Variants in SDCCAG8 observed in about 807,000 individuals in gnomAD.
SDCCAG8 encodes the protein serologically defined colon cancer antigen 8.
In SDCCAG8, 74 loss-of-function variants were observed where a neutral mutation model predicts 101.8. That is an observed-to-expected ratio of 0.73 (90% confidence interval 0.60 to 0.88). SDCCAG8 has a LOEUF of 0.88. Among genes scored for constraint, SDCCAG8 ranks in the 40% least tolerant of loss-of-function variants. The pLI is 0.00. For missense variants in SDCCAG8, 787 were observed against 822.6 expected (o/e 0.96, Z 0.53); for synonymous variants, 281 against 292.9 (o/e 0.96, Z 0.41).
intron 6 of SDCCAG8, among the ~76,000 whole-genome samples, chr1:243,300,273 T>C (rs964025384): frequency 6.6e-6 from 1 of 152,238 alleles, no homozygotes; most frequent in Non-Finnish European, 1.5e-5. Flanking sequence ...GGATTATTTT[T>C]AGTGTATTTT....
chr1:243,460,877 C>T (rs570717649), intron 16 of SDCCAG8, among the ~76,000 whole-genome samples: 19 of 152,294 alleles, frequency 1.2e-4, no homozygotes, highest in Non-Finnish European at 2.2e-4. Context: ...TCCCAGCACA[C>T]CTGAAGAAAA....
intron 13 of SDCCAG8, among the ~76,000 whole-genome samples, chr1:243,382,045 G>T (rs1435405523): frequency 6.6e-6 from 1 of 152,172 alleles, no homozygotes; most frequent in Non-Finnish European, 1.5e-5. Flanking sequence ...ACCCCAGGTA[G>T]AGAGACCAAT....
chr1:243,306,863 G>A lies in SDCCAG8; in HGVS notation c.741-1126G>A, dbSNP rs199549038. Among the ~76,000 whole-genome samples, 7 of 151,508 alleles carry A rather than the reference G, an allele frequency of 4.6e-5. No homozygotes were observed. In the East Asian group the frequency reaches 1.2e-3, roughly 25 times the overall value. ...TGTGGGTCTTTTATGCCTCTCCTGC[G>A]TTGCTTGAAAGCCCCCAAAATCTCA... On this transcript the variant is annotated intron_variant, in intron 7 of 17. Transcript: ENST00000366541.
rs2081651898 is a variant in SDCCAG8, at chr1:243,430,438, A to C, written c.1985+3880A>C. Among the ~76,000 whole-genome samples, 3 of 151,822 alleles carry C rather than the reference A, an allele frequency of 2.0e-5. No homozygotes were observed. The South Asian group carries it at 6.2e-4, about 32-fold the overall frequency. On this transcript the variant is annotated intron_variant, in intron 16 of 17. Coordinates refer to ENST00000366541, the MANE Select transcript of SDCCAG8 (RefSeq NM_006642.5). ...GCAGGGTCTTTATGTTTTTGTTTTTATTTTATTTTATTTATTTATTTTTTG... is the reference window on the plus strand; with the variant it reads ...GCAGGGTCTTTATGTTTTTGTTTTTCTTTTATTTTATTTATTTATTTTTTG...
chr1:243,447,342 A>G (rs935203432), intron 16 of SDCCAG8, among the ~76,000 whole-genome samples: 12 of 152,064 alleles, frequency 7.9e-5, no homozygotes, highest in Non-Finnish European at 1.6e-4. Flanking sequence ...GGAATGAACA[A>G]ATCAATAGGT....
At chr1:243,300,150 A>G (rs1423990983) in intron 6 of SDCCAG8, among the ~76,000 whole-genome samples, 1 of 152,134 alleles carries the variant, frequency 6.6e-6, no homozygotes, top group East Asian at 1.9e-4. Flanking sequence ...GGCGTGAGCC[A>G]CTGTGCCTGG....
chr1:243,430,212 G>A (rs2081631499), intron 16 of SDCCAG8, among the ~76,000 whole-genome samples: 1 of 152,084 alleles, frequency 6.6e-6, no homozygotes, highest in South Asian at 2.1e-4. Flanking sequence ...ATTAGATCAG[G>A]AATTGGCAAA....
intron 10 of SDCCAG8, among the ~76,000 whole-genome samples, chr1:243,340,216 G>A (rs1353235667): frequency 2.0e-5 from 3 of 152,180 alleles, no homozygotes; most frequent in Admixed American, 6.5e-5. Context: ...GAGTACTGTG[G>A]TTGAGGTACA....
intron 16 of SDCCAG8, among the ~76,000 whole-genome samples, chr1:243,466,280 A>G (rs148557559): frequency 6.6e-6 from 1 of 152,318 alleles, no homozygotes; most frequent in Non-Finnish European, 1.5e-5. Context: ...TAGGAGAAGT[A>G]TTGTTAAAAT....
chr1:243,386,789 G>GAGAGAA (rs572922297), intron 13 of SDCCAG8, among the ~76,000 whole-genome samples: 1 of 151,696 alleles, frequency 6.6e-6, no homozygotes, highest in Non-Finnish European at 1.5e-5. Context: ...GAGAGAGAGA[G>GAGAGAA]AAAGAAAGAA....
chr1:243,466,603 G>C (rs1309369857), intron 16 of SDCCAG8, among the ~76,000 whole-genome samples: 2 of 152,242 alleles, frequency 1.3e-5, no homozygotes, highest in African/African-American at 4.8e-5. Context: ...ACACAGAAAT[G>C]TTAAGAACAG....
chr1:243,360,612 A>C (rs1241778356), intron 12 of SDCCAG8, among the ~76,000 whole-genome samples: 1 of 152,064 alleles, frequency 6.6e-6, no homozygotes, highest in Non-Finnish European at 1.5e-5. Context: ...TCAGGAGGTC[A>C]GGAGTTCAAG....
intron 6 of SDCCAG8, among the ~76,000 whole-genome samples, chr1:243,304,163 T>A (rs1317816181): frequency 1.3e-5 from 2 of 152,176 alleles, no homozygotes; most frequent in Non-Finnish European, 2.9e-5. Context: ...GTAATTGAAA[T>A]TCTTCATTTT....
At chr1:243,491,195 T>C (rs919253450) in intron 17 of SDCCAG8, among the ~76,000 whole-genome samples, 11 of 152,240 alleles carry the variant, frequency 7.2e-5, no homozygotes, top group Admixed American at 4.6e-4. Context: ...GGATCACCGA[T>C]GCTTAGAAGC....
intron 13 of SDCCAG8, among the ~76,000 whole-genome samples, chr1:243,402,482 G>A (rs569906782): frequency 6.6e-6 from 1 of 150,652 alleles, no homozygotes; most frequent in South Asian, 2.1e-4. Context: ...CCAATGTATA[G>A]AAAATAGTAT....
chr1:243,467,499 A>C (rs190332360), intron 16 of SDCCAG8, among the ~76,000 whole-genome samples: 1 of 152,226 alleles, frequency 6.6e-6, no homozygotes, highest in Non-Finnish European at 1.5e-5. Flanking sequence ...CAGTGGCTTT[A>C]TTCGGAGAGA....
intron 12 of SDCCAG8, among the ~76,000 whole-genome samples, chr1:243,356,378 A>G (rs960039374): frequency 2.4e-5 from 3 of 126,166 alleles, no homozygotes; most frequent in African/African-American, 8.7e-5. Context: ...TGCTAGAATT[A>G]TCTTTAGTTA....
At chr1:243,370,418 G>A (rs141841411) in intron 12 of SDCCAG8, among the ~76,000 whole-genome samples, 1 of 152,036 alleles carries the variant, frequency 6.6e-6, no homozygotes, top group Non-Finnish European at 1.5e-5. Context: ...TCCATTTTTA[G>A]CAAACATAAA....
chr1:243,308,223 T>C (rs1192802426), intron 8 of SDCCAG8, 46 bp downstream of exon 8: 1 of 1,600,116 alleles, frequency 6.2e-7, no homozygotes, highest in South Asian at 1.1e-5. Flanking sequence ...ATATGGAAAA[T>C]TCTGCCTTTA....
Sources: allele counts gnomAD v4.1 joint callset (sites outside exome capture counted in the v4.1 genomes callset), GRCh38; gene constraint gnomAD v4.1.1; transcripts MANE v1.5; gene names NCBI Gene and HGNC (gene_info 2026-07-23, HGNC 2026-07-21).